Variants in RIOK3 observed in about 807,000 individuals in gnomAD.
RIOK3 encodes the protein RIO kinase 3.
In RIOK3, 40 loss-of-function variants were observed where a neutral mutation model predicts 63.5. The ratio of observed to expected loss-of-function variants is 0.63; its 90% CI spans 0.49 to 0.82. The LOEUF is 0.82. Ranked by LOEUF, RIOK3 falls within the 40% of genes least tolerant of loss-of-function variation. The pLI, the probability that RIOK3 is intolerant of heterozygous loss-of-function variation, is 0.00. For missense variants in RIOK3, 557 were observed against 637.0 expected (o/e 0.87, Z 1.35); for synonymous variants, 193 against 205.0 (o/e 0.94, Z 0.50).
At chr18:23,478,264 G>C (rs2057506882) in intron 11 of RIOK3, among the ~76,000 whole-genome samples, 1 of 152,078 alleles carries the variant, frequency 6.6e-6, no homozygotes, top group African/African-American at 2.4e-5. Flanking sequence ...CTGTCACTGT[G>C]AAGCATGGTA....
intron 7 of RIOK3, among the ~76,000 whole-genome samples, chr18:23,468,268 A>G (rs1168810276): frequency 1.5e-5 from 1 of 67,418 alleles, no homozygotes; most frequent in Non-Finnish European, 3.4e-5. Flanking sequence ...TCCTTTGTCC[A>G]TTTTCTGTTA....
At chr18:23,477,697 A>AGG (rs113500168) in intron 11 of RIOK3, among the ~76,000 whole-genome samples, 1 of 150,694 alleles carries the variant, frequency 6.6e-6, no homozygotes, top group African/African-American at 2.5e-5. Context: ...TGGGAGGCAG[A>AGG]GGCTGCAGTG....
chr18:23,477,298 TG>T, intron 11 of RIOK3, 30 bp downstream of exon 11: 1 of 1,532,574 alleles, frequency 6.5e-7, no homozygotes, highest in East Asian at 2.2e-5. Flanking sequence ...TGCCTTTTTT[TG>T]TTGGATGTAA....
At chr18:23,473,396 T>C in intron 7 of RIOK3, 33 bp from the exon 8 acceptor site, 2 of 1,408,036 alleles carry the variant, frequency 1.4e-6, no homozygotes, top group African/African-American at 2.8e-5. Context: ...AGCTGGCAAC[T>C]TGTACTGACT....
chr18:23,462,306 ATTGT>A (rs1383564284), intron 1 of RIOK3, among the ~76,000 whole-genome samples: 2 of 151,544 alleles, frequency 1.3e-5, no homozygotes, highest in African/African-American at 2.4e-5. Context: ...CAGCCCGCTA[ATTGT>A]TTGTATTTCT....
At chr18:23,457,157 G>A (rs887352946) in intron 1 of RIOK3, among the ~76,000 whole-genome samples, 2 of 152,104 alleles carry the variant, frequency 1.3e-5, no homozygotes, top group Admixed American at 1.3e-4. Flanking sequence ...ATGGGTGTTG[G>A]GGATCCTTCT....
At chr18:23,460,076 C>T (rs1165637102) in intron 1 of RIOK3, among the ~76,000 whole-genome samples, 2 of 151,850 alleles carry the variant, frequency 1.3e-5, no homozygotes, top group Non-Finnish European at 2.9e-5. Context: ...TAAATCAGGG[C>T]AAGTTGTAAA....
intron 7 of RIOK3, among the ~76,000 whole-genome samples, chr18:23,469,698 G>C (rs950828676): frequency 6.6e-5 from 10 of 151,800 alleles, no homozygotes; most frequent in Non-Finnish European, 1.2e-4. Context: ...ATTTTGGCCA[G>C]GCTGGTCTCA....
chr18:23,457,427 G>A (rs562378807), intron 1 of RIOK3, among the ~76,000 whole-genome samples: 8 of 152,306 alleles, frequency 5.3e-5, no homozygotes, highest in Admixed American at 1.3e-4. Flanking sequence ...TAAATGTAAC[G>A]TGGTATTTTG....
rs201059548 is a variant in RIOK3 at position 23,464,237 on chromosome 18, G to A, written c.357G>A (p.Val119=). The change falls in exon 4 of 13, where the codon GTG becomes GTA. Residue 119 remains valine (V), a synonymous_variant. Transcript: ENST00000339486. Reference sequence around the variant, plus strand: ...TTTCCTTTGAAAATTATCGAAAAGTGCATCCTTATGAAGACAGCGATAGCT... The same window carrying A: ...TTTCCTTTGAAAATTATCGAAAAGTACATCCTTATGAAGACAGCGATAGCT... ...VSISFENYRK[V]HPYEDSDSSE... 6.2e-7 allele frequency: 1 copy of A among 1,614,044 alleles called. No homozygotes were observed. The highest frequency in any genetic ancestry group is 8.5e-7 in the Non-Finnish European group (1 of 1,179,952).
At chr18:23,478,848 T>C (rs1399283056) in intron 11 of RIOK3, among the ~76,000 whole-genome samples, 2 of 152,120 alleles carry the variant, frequency 1.3e-5, no homozygotes, top group Non-Finnish European at 2.9e-5. Flanking sequence ...CCTTTACATA[T>C]TCAAAGCAAT....
chr18:23,475,238 G>T, intron 9 of RIOK3, 131 bp downstream of exon 9: 4 of 654,430 alleles, frequency 6.1e-6, no homozygotes, highest in Non-Finnish European at 1.0e-5. Context: ...GGAGGCTCAG[G>T]CAGTAGGATC....
intron 7 of RIOK3, among the ~76,000 whole-genome samples, chr18:23,469,374 C>T (rs915963204): frequency 0.045 from 121 of 2,672 alleles, 1 homozygote; most frequent in East Asian, 0.14. Flanking sequence ...TCCCTCCCTC[C>T]CTCCCCTCCC....
chr18:23,468,137 G>A (rs1042415809), intron 7 of RIOK3, among the ~76,000 whole-genome samples: 1 of 152,078 alleles, frequency 6.6e-6, no homozygotes. Context: ...CAGTGTGAGA[G>A]ATGAAAAGTA....
intron 5 of RIOK3, among the ~76,000 whole-genome samples, 161 bp from the exon 6 acceptor site, chr18:23,465,972 G>A (rs1350078933): frequency 1.3e-5 from 2 of 152,148 alleles, no homozygotes; most frequent in African/African-American, 4.8e-5. Context: ...TCCTCTTTCT[G>A]TGAGTTATTT....
intron 9 of RIOK3, 26 bp from the exon 10 acceptor site, chr18:23,476,980 C>T: frequency 6.3e-7 from 1 of 1,590,692 alleles, no homozygotes; most frequent in Non-Finnish European, 8.6e-7. Context: ...TATTCATTTC[C>T]TAATGTGTGC....
intron 7 of RIOK3, among the ~76,000 whole-genome samples, chr18:23,468,582 C>T (rs139349976): frequency 3.9e-5 from 6 of 152,228 alleles, no homozygotes; most frequent in African/African-American, 7.2e-5. Context: ...AGATTACAGG[C>T]GTGAGCCACT....
intron 9 of RIOK3, among the ~76,000 whole-genome samples, chr18:23,475,714 A>G (rs978057486): frequency 6.6e-6 from 1 of 152,166 alleles, no homozygotes; most frequent in African/African-American, 2.4e-5. Flanking sequence ...GAAGTTTGTG[A>G]AAGAATGTTA....
At chr18:23,459,773 C>T (rs1005926404) in intron 1 of RIOK3, among the ~76,000 whole-genome samples, 4 of 152,046 alleles carry the variant, frequency 2.6e-5, no homozygotes, top group Non-Finnish European at 5.9e-5. Flanking sequence ...TGGGTTCAAG[C>T]GATTCTTCTG....
Sources: allele counts gnomAD v4.1 joint callset (sites outside exome capture counted in the v4.1 genomes callset), GRCh38; gene constraint gnomAD v4.1.1; transcripts MANE v1.5; gene names NCBI Gene and HGNC (gene_info 2026-07-23, HGNC 2026-07-21).